SCN1A: variants seen among roughly 807,000 people sequenced by gnomAD.
SCN1A encodes sodium channel protein type 1 subunit alpha.
A neutral mutation model predicts 193.7 loss-of-function variants in SCN1A; 13 were observed. The ratio of observed to expected loss-of-function variants is 0.07; its 90% CI spans 0.04 to 0.11. SCN1A has a LOEUF of 0.11. Ranked by LOEUF, SCN1A falls within the 10% of genes least tolerant of loss-of-function variation. SCN1A has a pLI of 1.00. For missense variants in SCN1A, 1,432 were observed against 2,451.1 expected, an observed-to-expected ratio of 0.58 and a Z score of 8.78; for synonymous variants, 781 against 843.6, an observed-to-expected ratio of 0.93 and a Z score of 1.29.
chr2:166,087,744 G>A (rs1401213917), intron 2 of SCN1A, among the ~76,000 whole-genome samples: 3 of 152,126 alleles, frequency 2.0e-5, no homozygotes, highest in Non-Finnish European at 2.9e-5. Context: ...AGTCAATTTT[G>A]TTCATTTCTT....
At chr2:166,114,772 A>G (rs1689662768) in intron 2 of SCN1A, among the ~76,000 whole-genome samples, 1 of 152,182 alleles carries the variant, frequency 6.6e-6, no homozygotes, top group Non-Finnish European at 1.5e-5. Context: ...ATACTTTTGA[A>G]CTATTCTGAT....
At chr2:166,141,321 ATC>A (rs1692073045) in intron 1 of SCN1A, among the ~76,000 whole-genome samples, 1 of 108,914 alleles carries the variant, frequency 9.2e-6, no homozygotes, top group East Asian at 2.5e-4. Flanking sequence ...TTTTTTTTTT[ATC>A]TTCTTTAGAA....
At chr2:166,053,236 A>C (rs952310956) in intron 7 of SCN1A, 10 of 626,218 alleles carry the variant, frequency 1.6e-5, no homozygotes, top group Non-Finnish European at 2.8e-5. Context: ...AAATATTATA[A>C]GTGGTAAATC....
intron 2 of SCN1A, among the ~76,000 whole-genome samples, chr2:166,103,414 G>T (rs962908888): frequency 6.6e-6 from 1 of 151,602 alleles, no homozygotes; most frequent in East Asian, 1.9e-4. Context: ...TCGCACCGCT[G>T]CACTCCAGCC....
chr2:166,052,496 C>CA (rs1463605748), intron 8 of SCN1A, among the ~76,000 whole-genome samples: 1 of 151,054 alleles, frequency 6.6e-6, no homozygotes, highest in Non-Finnish European at 1.5e-5. Flanking sequence ...CTTTTGTTAG[C>CA]AAAAAACTTA....
intron 19 of SCN1A, among the ~76,000 whole-genome samples, chr2:166,031,085 T>C (rs1397096414): frequency 1.3e-5 from 2 of 152,158 alleles, no homozygotes; most frequent in Non-Finnish European, 2.9e-5. Context: ...CTCAAATTAC[T>C]TGAATGTACT....
intron 23 of SCN1A, 69 bp downstream of exon 23, chr2:166,009,650 C>T: frequency 1.3e-6 from 2 of 1,482,240 alleles, no homozygotes; most frequent in Non-Finnish European, 9.1e-7. Flanking sequence ...ATAGATTTTC[C>T]TTTTTCTAAA....
intron 26 of SCN1A, among the ~76,000 whole-genome samples, chr2:165,997,471 G>T (rs1006419727): frequency 1.3e-5 from 2 of 151,016 alleles, no homozygotes; most frequent in African/African-American, 4.8e-5. Flanking sequence ...AGGTAATTGG[G>T]ACAATCAAAT....
At position 166,013,818 on chromosome 2, in the gene SCN1A, A is replaced by G. The variant is rs1692876877; in HGVS notation, c.3631T>C (p.Cys1211Arg). 6.2e-7 allele frequency: 1 copy of G among 1,612,450 alleles called. No homozygotes were observed. The highest frequency in any genetic ancestry group is 8.5e-7 in the Non-Finnish European group (1 of 1,178,756). ...CAGTTATGTTCAACTATTCGGAAAC[A>G]CGTCCTTCTCAGGTTCCACCATTGT... The part of the protein sequence containing the change: ...GKQWWNLRRT[C>R]FRIVEHNWFE... Residue 1211 changes from cysteine to arginine, a missense_variant, in exon 21 of 29, where the codon TGT (cysteine) becomes CGT (arginine). Cys to Arg is a radical substitution (Grantham distance 180). Transcript: ENST00000674923.
chr2:166,117,260 C>T (rs1309198867), intron 2 of SCN1A, among the ~76,000 whole-genome samples: 4 of 152,160 alleles, frequency 2.6e-5, no homozygotes, highest in Non-Finnish European at 5.9e-5. Context: ...TACACAAGTG[C>T]TTTACCTTAA....
rs767262924 is a variant in SCN1A, at chr2:166,054,631, C to T, written c.602+7G>A. On this transcript the variant is annotated splice_region_variant and intron_variant, in intron 7 of 28. Transcript: ENST00000674923. The stretch of plus-strand genomic sequence containing the variant: ...TTCTCTCTTAAAGTTTCAAAAAAGG[C>T]ACTTACGCAAATGTAATGACAGTGA... 3.1e-6 allele frequency: 5 copies of T among 1,611,598 alleles called. No homozygotes were observed. The highest frequency in any genetic ancestry group is 4.2e-6 in the Non-Finnish European group (5 of 1,178,512).
At chr2:166,091,310 C>T (rs79985637) in intron 2 of SCN1A, among the ~76,000 whole-genome samples, 167 of 152,152 alleles carry the variant, frequency 1.1e-3, no homozygotes, top group African/African-American at 3.9e-3. Context: ...ACTGGATACA[C>T]GGAAAGGTGT....
intron 1 of SCN1A, among the ~76,000 whole-genome samples, chr2:166,138,569 G>A (rs1166990132): frequency 6.6e-6 from 1 of 152,206 alleles, no homozygotes; most frequent in East Asian, 1.9e-4. Flanking sequence ...CAAAAACTGG[G>A]GTTTGAGAAC....
intron 19 of SCN1A, among the ~76,000 whole-genome samples, chr2:166,026,919 G>A (rs145408085): frequency 2.1e-3 from 316 of 151,758 alleles, no homozygotes; most frequent in African/African-American, 7.4e-3. Flanking sequence ...TCCTGACCTC[G>A]TGATTCGCCC....
rs755769438 is a variant in SCN1A, at chr2:166,067,618, CAA to C, written c.264+5738_264+5739del. On this transcript the variant is annotated intron_variant, in intron 4 of 28. Transcript: ENST00000674923. ...CAGTTTTATTATTTTTAAATAAAGACAAGAGCTATCTTGAAAGAATCTGTGGA... is the reference window on the plus strand; with the variant it reads ...CAGTTTTATTATTTTTAAATAAAGACGAGCTATCTTGAAAGAATCTGTGGA... 8.6e-5 allele frequency among the ~76,000 whole-genome samples: 13 copies of C among 150,516 alleles called. No individual in the cohort carries two copies. The South Asian group carries it at 1.5e-3, about 17-fold the overall frequency.
At chr2:166,020,618 GTGT>G (rs1305033586) in intron 19 of SCN1A, among the ~76,000 whole-genome samples, 2 of 152,084 alleles carry the variant, frequency 1.3e-5, no homozygotes, top group Non-Finnish European at 2.9e-5. Context: ...CATTTAAAAA[GTGT>G]TGTTGTATTT....
At chr2:166,075,584 GTATTTGGGTTGTTTCCAA>G (rs1234275857) in intron 3 of SCN1A, among the ~76,000 whole-genome samples, 3 of 151,976 alleles carry the variant, frequency 2.0e-5, no homozygotes, top group African/African-American at 7.2e-5. Flanking sequence ...CTGAATGTGA[GTATTTGGGTTGTTTCCAA>G]TCTTTAGCTA....
At position 166,073,549 on chromosome 2, in the gene SCN1A, T is replaced by G; in HGVS notation, c.73A>C (p.Ile25Leu). ...TTTTCTTCTGCAATGCGTCTTTCAA[T>G]AGCCGCAAGAGATTCTCTGGTGAAG... ...NFFTRESLAA[I>L]ERRIAEEKAK... The change falls in exon 4 of 29, where the codon ATT (isoleucine) becomes CTT (leucine). Residue 25 changes from isoleucine to leucine, a missense_variant. Around this residue, in one of 18 missense-constraint regions of SCN1A, gnomAD observed 55 missense variants for 58.4 expected, o/e 0.94. Transcript: ENST00000674923. The G allele has an allele frequency of 6.2e-7, 1 of 1,614,162 alleles. No individual in the cohort carries two copies. The highest frequency in any genetic ancestry group is 8.5e-7 in the Non-Finnish European group (1 of 1,179,982).
chr2:166,095,814 T>G (rs185157249), intron 2 of SCN1A, among the ~76,000 whole-genome samples: 11 of 152,354 alleles, frequency 7.2e-5, no homozygotes, highest in African/African-American at 2.6e-4. Flanking sequence ...TTAAAATTTA[T>G]ATTTAATGTC....
Sources: allele counts gnomAD v4.1 joint callset (sites outside exome capture counted in the v4.1 genomes callset), GRCh38; gene constraint gnomAD v4.1.1; regional missense constraint gnomAD v4.1.1; transcripts MANE v1.5; gene names NCBI Gene and HGNC (gene_info 2026-07-23, HGNC 2026-07-21).